CUL5: variants seen among roughly 807,000 people sequenced by gnomAD.
CUL5 encodes the protein cullin-5.
Under a neutral mutation model 108.8 loss-of-function variants are expected in CUL5, and 26 were observed. That is an observed-to-expected ratio of 0.24 (90% CI 0.18 to 0.33). CUL5 has a LOEUF of 0.33. Ranked by LOEUF, CUL5 falls within the 10% of genes least tolerant of loss-of-function variation. CUL5 has a pLI of 1.00. For synonymous variants in CUL5, 334 were observed against 298.0 expected (o/e 1.12, Z -1.25); for missense variants, 524 against 909.2 (o/e 0.58, Z 5.45).
At chr11:108,012,633 T>G (rs1235975095) in intron 1 of CUL5, among the ~76,000 whole-genome samples, 1 of 151,956 alleles carries the variant, frequency 6.6e-6, no homozygotes, top group Non-Finnish European at 1.5e-5. Flanking sequence ...TTCGCTCTTG[T>G]TGCCCAGGCT....
At chr11:108,037,689 C>T (rs984619085) in intron 2 of CUL5, among the ~76,000 whole-genome samples, 1 of 152,106 alleles carries the variant, frequency 6.6e-6, no homozygotes, top group East Asian at 1.9e-4. Context: ...AAACTTTCTA[C>T]TGGGGGCTCG....
At position 108,104,340 on chromosome 11, in the gene CUL5, A is replaced by G. The variant is rs1210674991; in HGVS notation, c.2299A>G (p.Arg767Gly). 1 of 1,586,072 alleles carries G rather than the reference A, an allele frequency of 6.3e-7. No homozygotes were observed. The highest frequency in any genetic ancestry group is 1.9e-5 in the Admixed American group (1 of 52,530). ...IEWLIEHKYI[R>G]RDESDINTFI... ...GTGGCTAATAGAGCACAAATACATC[A>G]GAAGAGATGAATCTGATATCAACAC... Residue 767 changes from arginine to glycine, a missense_variant, in exon 19 of 19, where the codon AGA becomes GGA. Arg to Gly is a moderately radical substitution (Grantham distance 125, BLOSUM62 -2). Around this residue, in one of 8 missense-constraint regions of CUL5, gnomAD observed 22 missense variants for 70.5 expected, o/e 0.31. Transcript: ENST00000393094.
At position 108,072,465 on chromosome 11, in the gene CUL5, A is replaced by C; in HGVS notation, c.1005+3A>C. ...CAGCTGCTGAAACTATTACTACTGT[A>C]AGTTTTTTTTCAATGGCAATGATAG... is the stretch of plus-strand genomic sequence containing the variant. On this transcript the variant is annotated splice_donor_region_variant and intron_variant, in intron 9 of 18. Transcript: ENST00000393094. 1 of 1,600,802 alleles carries C rather than the reference A, an allele frequency of 6.2e-7. No individual in the cohort carries two copies. The highest frequency in any genetic ancestry group is 2.2e-5 in the East Asian group (1 of 44,722).
At chr11:108,015,040 C>T (rs542557358) in intron 1 of CUL5, among the ~76,000 whole-genome samples, 27 of 151,996 alleles carry the variant, frequency 1.8e-4, no homozygotes, top group Non-Finnish European at 2.5e-4. Context: ...TTGGGATTAC[C>T]GGTGACCACC....
At position 108,106,717 on chromosome 11, in the gene CUL5, T is replaced by C. The variant is rs1424716077; in HGVS notation, c.*2333T>C. The stretch of plus-strand genomic sequence containing the variant: ...AAATCTTACCAGCAGTTTGTAAAGG[T>C]CTGGAATCACAGTTGGCATCCTTTA... On this transcript the variant is annotated 3_prime_UTR_variant, in exon 19 of 19. Transcript: ENST00000393094. The C allele has an allele frequency of 6.6e-6, 1 of 151,576 alleles. No homozygotes were observed. Among genetic ancestry groups the C allele is most frequent in the African/African-American group, 2.4e-5 (1 of 41,116 alleles). 9.4% of individuals were successfully genotyped at this position (151,576 alleles called of 1,614,324 possible). A position where few individuals can be genotyped will look rare whatever the true frequency, so the allele number is the denominator to read the frequency against.
At chr11:108,039,753 G>T (rs140051908) in intron 2 of CUL5, among the ~76,000 whole-genome samples, 2 of 152,104 alleles carry the variant, frequency 1.3e-5, no homozygotes, top group Non-Finnish European at 2.9e-5. Context: ...TTTTTAATGG[G>T]CTTGGTTATT....
chr11:108,038,354 C>T (rs1223419063), intron 2 of CUL5, among the ~76,000 whole-genome samples: 1 of 152,044 alleles, frequency 6.6e-6, no homozygotes, highest in Non-Finnish European at 1.5e-5. Flanking sequence ...CGTCAATAAC[C>T]TTTTACTTGC....
intron 2 of CUL5, among the ~76,000 whole-genome samples, chr11:108,035,396 GT>G (rs1862710263): frequency 6.6e-6 from 1 of 152,084 alleles, no homozygotes; most frequent in South Asian, 2.1e-4. Flanking sequence ...AATCCATGAT[GT>G]TTTCATAGTT....
chr11:108,018,421 C>T (rs1413248275), intron 1 of CUL5, among the ~76,000 whole-genome samples: 2 of 151,890 alleles, frequency 1.3e-5, no homozygotes, highest in African/African-American at 2.4e-5. Flanking sequence ...AATCCCAGCA[C>T]TTTGGGAGGC....
At chr11:108,087,460 A>G (rs1161581063) in intron 11 of CUL5, among the ~76,000 whole-genome samples, 1 of 152,236 alleles carries the variant, frequency 6.6e-6, no homozygotes. Flanking sequence ...TTAGAGAAGT[A>G]GGATTAAAAA....
At chr11:108,020,216 C>T (rs1216408860) in intron 1 of CUL5, among the ~76,000 whole-genome samples, 2 of 152,110 alleles carry the variant, frequency 1.3e-5, no homozygotes, top group Non-Finnish European at 2.9e-5. Context: ...TGTGTGTACC[C>T]TCTAATAAAT....
At chr11:108,009,440 G>A (rs190378877) in intron 1 of CUL5, 68 bp downstream of exon 1, 5 of 1,554,534 alleles carry the variant, frequency 3.2e-6, no homozygotes, top group East Asian at 2.2e-5. Context: ...GGAAAGGCAC[G>A]GCTCAGGTTC....
intron 8 of CUL5, 58 bp from the exon 9 acceptor site, chr11:108,072,274 C>T: frequency 7.3e-7 from 1 of 1,371,326 alleles, no homozygotes; most frequent in Non-Finnish European, 1.0e-6. Context: ...ACTAATGTTT[C>T]TCTAAACTCT....
intron 1 of CUL5, 73 bp from the exon 2 acceptor site, chr11:108,033,729 C>T (rs1862653719): frequency 1.1e-6 from 1 of 903,192 alleles, no homozygotes; most frequent in Non-Finnish European, 1.7e-6. Context: ...CTAGCTGTCT[C>T]ATAAAAATTA....
chr11:108,043,747 A>G (rs957353402), intron 2 of CUL5, among the ~76,000 whole-genome samples: 1 of 152,240 alleles, frequency 6.6e-6, no homozygotes. Context: ...AACTTAGAAT[A>G]GTATCTGGCT....
chr11:108,041,971 G>T (rs1338920918), intron 2 of CUL5, among the ~76,000 whole-genome samples: 1 of 152,104 alleles, frequency 6.6e-6, no homozygotes, highest in Non-Finnish European at 1.5e-5. Flanking sequence ...GTTAATACAT[G>T]TTACTTTTGT....
At chr11:108,101,645 A>G (rs1864671846) in intron 18 of CUL5, among the ~76,000 whole-genome samples, 1 of 152,174 alleles carries the variant, frequency 6.6e-6, no homozygotes, top group Non-Finnish European at 1.5e-5. Context: ...TTGCTGTCAC[A>G]CTTGGGAACT....
rs1348827071 is a variant in CUL5, at chr11:108,107,039, T to C, written c.*2655T>C. 10 of 150,628 alleles carry C rather than the reference T, an allele frequency of 6.6e-5. No individual in the cohort carries two copies. In the Admixed American group the frequency reaches 6.7e-4, roughly 10 times the overall value. 9.3% of individuals were successfully genotyped at this position (150,628 alleles called of 1,614,324 possible). ...TAAGAAGTAAAAATATAGAAAAATT[T>C]TGATGGTCACAATGAGATAAATATT... is the stretch of plus-strand genomic sequence containing the variant. On this transcript the variant is annotated 3_prime_UTR_variant, in exon 19 of 19. Coordinates refer to ENST00000393094, the MANE Select transcript of CUL5 (RefSeq NM_003478.6).
chr11:108,056,032 G>A (rs923216356), intron 7 of CUL5, among the ~76,000 whole-genome samples: 1 of 152,166 alleles, frequency 6.6e-6, no homozygotes, highest in African/African-American at 2.4e-5. Flanking sequence ...TTCTTGCTCA[G>A]CCTCCCAAAA....
Sources: gnomAD v4.1 joint callset for allele counts (sites outside exome capture counted in the v4.1 genomes callset) on GRCh38, gnomAD v4.1.1 for gene constraint, gnomAD v4.1.1 regional missense constraint, MANE v1.5 for transcripts, NCBI Gene and HGNC (gene_info 2026-07-23, HGNC 2026-07-21) for gene names.